MICAL2: variants seen among roughly 807,000 people sequenced by gnomAD.
The protein encoded by MICAL2 is microtubule associated monooxygenase, calponin and LIM domain containing 2, also known as [F-actin]-monooxygenase MICAL2.
In MICAL2, 77 loss-of-function variants were observed where a neutral mutation model predicts 127.3. That is an observed-to-expected ratio of 0.60 (90% CI 0.50 to 0.73). The LOEUF (loss-of-function observed/expected upper bound fraction) is 0.73, where lower values mean the gene tolerates loss of function less well. MICAL2 is among the 30% of genes least tolerant of loss of function. The pLI is 0.00. For synonymous variants in MICAL2, 570 were observed against 551.1 expected (o/e 1.03, Z -0.48); for missense variants, 1,351 against 1,434.4 (o/e 0.94, Z 0.94).
chr11:12,353,165 C>T (rs1493964), intron 33 of MICAL2, among the ~76,000 whole-genome samples: 64,887 of 151,884 alleles, frequency 0.43, 15,709 homozygotes, highest in Non-Finnish European at 0.56. Flanking sequence ...TATAACAAAG[C>T]GACCCCAGCA....
At chr11:12,333,575 A>G (rs567912436) in intron 32 of MICAL2, among the ~76,000 whole-genome samples, 8 of 152,320 alleles carry the variant, frequency 5.3e-5, no homozygotes, top group Admixed American at 4.6e-4. Flanking sequence ...TTGGAAAGAA[A>G]GAAAAAAAAT....
chr11:12,236,484 A>G (rs527858465), intron 16 of MICAL2, among the ~76,000 whole-genome samples: 9 of 152,348 alleles, frequency 5.9e-5, no homozygotes, highest in Admixed American at 2.6e-4. Flanking sequence ...GTAACGTGCA[A>G]TGATACACTT....
At chr11:12,290,388 C>A (rs1006732118), downstream of MICAL2, among the ~76,000 whole-genome samples, 3 of 152,030 alleles carry the variant, frequency 2.0e-5, no homozygotes, top group African/African-American at 7.2e-5. Context: ...GTCAGGAAGT[C>A]CCTGAGGGAT....
chr11:12,163,614 C>T (rs940189369), intron 3 of MICAL2: 2 of 152,242 alleles, frequency 1.3e-5, no homozygotes, highest in African/African-American at 4.8e-5. Context: ...CGCCTCAGCC[C>T]AGAGCAGACT....
chr11:12,149,966 G>A (rs1853395260), intron 2 of MICAL2, among the ~76,000 whole-genome samples: 2 of 152,134 alleles, frequency 1.3e-5, no homozygotes, highest in South Asian at 4.1e-4. Flanking sequence ...TCAAGATAAG[G>A]CCCCATAAGT....
At chr11:12,280,963 C>G (rs1429086962) in exon 2 of MICAL2, 3 of 398,960 alleles carry the variant, frequency 7.5e-6, no homozygotes, top group Non-Finnish European at 8.8e-6. Context: ...ATGGTGGCAG[C>G]GAGGGCTCCC....
intron 8 of MICAL2, among the ~76,000 whole-genome samples, chr11:12,217,112 A>G (rs1224822050): frequency 6.6e-6 from 1 of 152,170 alleles, no homozygotes; most frequent in Non-Finnish European, 1.5e-5. Flanking sequence ...TTCTTCGGAC[A>G]GGTGTACAAC....
At chr11:12,217,486 C>T (rs184675141) in intron 8 of MICAL2, among the ~76,000 whole-genome samples, 232 of 152,264 alleles carry the variant, frequency 1.5e-3, no homozygotes, top group African/African-American at 5.6e-3. Flanking sequence ...TGCTGACTGT[C>T]AGTCTGGGAG....
downstream of MICAL2, among the ~76,000 whole-genome samples, chr11:12,289,905 A>C (rs552738564): frequency 2.6e-5 from 4 of 152,270 alleles, no homozygotes; most frequent in African/African-American, 9.6e-5. Context: ...TTATCTGCTC[A>C]ACCACCCCAT....
At chr11:12,165,554 A>G (rs1311442071) in intron 3 of MICAL2, among the ~76,000 whole-genome samples, 5 of 152,264 alleles carry the variant, frequency 3.3e-5, no homozygotes, top group African/African-American at 1.2e-4. Flanking sequence ...TAGGCAGAGC[A>G]AGAATAAATG....
At chr11:12,311,011 C>A (rs934394465) in intron 29 of MICAL2, among the ~76,000 whole-genome samples, 1 of 152,000 alleles carries the variant, frequency 6.6e-6, no homozygotes, top group Non-Finnish European at 1.5e-5. Context: ...TATAGAAATG[C>A]TACCAATTTT....
downstream of MICAL2, among the ~76,000 whole-genome samples, chr11:12,291,685 C>T (rs1175504114): frequency 1.3e-5 from 2 of 152,236 alleles, no homozygotes; most frequent in Non-Finnish European, 2.9e-5. Flanking sequence ...AGAAAGAGCC[C>T]ATCTCATTAG....
intron 26 of MICAL2, chr11:12,261,504 A>G (rs1481729669): frequency 1.0e-6 from 1 of 985,508 alleles, no homozygotes; most frequent in South Asian, 4.7e-5. Flanking sequence ...GTCTGGCTGA[A>G]CAATCAAGGG....
At position 12,338,571 on chromosome 11, in the gene MICAL2, A is replaced by G. The variant is rs184512142; in HGVS notation, c.5516-11267A>G. ...GCCTTGATGGTCTTTACAATTTGGC[A>G]TGTTTTTGCAGTGGCTGGTACCAGT... is the stretch of plus-strand genomic sequence containing the variant. On this transcript the variant is annotated intron_variant, in intron 32 of 34. Transcript: ENST00000646065. 5.5e-3 allele frequency among the ~76,000 whole-genome samples: 833 copies of G among 152,272 alleles called. 12 individuals carry two copies. Among genetic ancestry groups the G allele is most frequent in the African/African-American group, 0.019 (790 of 41,546 alleles).
Position 12,242,211 on chromosome 11 carries a change from C to T in MICAL2, c.2338-3C>T. On this transcript the variant is annotated splice_region_variant and splice_polypyrimidine_tract_variant and intron_variant, in intron 18 of 27. Coordinates refer to ENST00000683283, the MANE Select transcript of MICAL2 (RefSeq NM_001282663.2). ...AGGAAGCTTAATTTTCCCTCTTTCCCAGTTCCCCTCTGTGGTCGTGACGGG... is the reference window on the plus strand; with the variant it reads ...AGGAAGCTTAATTTTCCCTCTTTCCTAGTTCCCCTCTGTGGTCGTGACGGG... 1.3e-6 allele frequency: 2 copies of T among 1,597,536 alleles called. No homozygotes were observed. Among genetic ancestry groups the T allele is most frequent in the Non-Finnish European group, 1.7e-6 (2 of 1,167,760 alleles).
intron 2 of MICAL2, among the ~76,000 whole-genome samples, chr11:12,150,442 A>G (rs1347293740): frequency 6.6e-6 from 1 of 151,964 alleles, no homozygotes; most frequent in East Asian, 1.9e-4. Context: ...AAAAACAAAC[A>G]AAAACAAAAA....
chr11:12,320,301 G>A (rs767002102), intron 30 of MICAL2, among the ~76,000 whole-genome samples: 2 of 152,188 alleles, frequency 1.3e-5, no homozygotes, highest in East Asian at 1.9e-4. Context: ...GACAAGCCCC[G>A]TGCCAGCTGG....
chr11:12,303,974 G>C (rs1414819126), intron 29 of MICAL2, among the ~76,000 whole-genome samples: 1 of 152,078 alleles, frequency 6.6e-6, no homozygotes, highest in East Asian at 1.9e-4. Flanking sequence ...GAGGTTCAGT[G>C]AGCCACGATT....
intron 21 of MICAL2, among the ~76,000 whole-genome samples, chr11:12,248,066 C>T (rs767669082): frequency 1.3e-5 from 2 of 152,208 alleles, no homozygotes; most frequent in Non-Finnish European, 2.9e-5. Context: ...CAGACTTAGC[C>T]AAACTTACTA....
Sources: allele counts gnomAD v4.1 joint callset (sites outside exome capture counted in the v4.1 genomes callset), GRCh38; gene constraint gnomAD v4.1.1; transcripts MANE v1.5; gene names NCBI Gene and HGNC (gene_info 2026-07-23, HGNC 2026-07-21).